The following TPPP2 variants were observed in gnomAD, a reference collection of about 807,000 sequenced individuals.
TPPP2 encodes the protein tubulin polymerization promoting protein family member 2, also known as tubulin polymerization-promoting protein family member 2.
A neutral mutation model predicts 13.0 loss-of-function variants in TPPP2; 8 were observed. The ratio of observed to expected loss-of-function variants is 0.62; its 90% CI spans 0.36 to 1.11. TPPP2 has a LOEUF of 1.11. TPPP2 is among the 50% of genes most tolerant of loss of function. TPPP2 has a pLI of 0.02. For missense variants in TPPP2, 213 were observed against 216.9 expected (o/e 0.98, Z 0.11); for synonymous variants, 81 against 81.8 (o/e 0.99, Z 0.05).
downstream of TPPP2, chr14:21,034,333 C>T: frequency 7.0e-7 from 1 of 1,422,730 alleles, no homozygotes; most frequent in East Asian, 2.3e-5. Context: ...AGCAGTGGGC[C>T]TGAAGTGGCT....
downstream of TPPP2, chr14:21,033,756 C>A: frequency 1.8e-6 from 2 of 1,105,772 alleles, no homozygotes; most frequent in Non-Finnish European, 2.8e-6. Flanking sequence ...TTACAGGGAT[C>A]AGAGTGTTGG....
upstream of TPPP2, among the ~76,000 whole-genome samples, chr14:21,026,760 T>C (rs1344951400): frequency 6.6e-6 from 1 of 151,958 alleles, no homozygotes; most frequent in African/African-American, 2.4e-5. Context: ...TATAACTTTT[T>C]CCCCAGAAAC....
downstream of TPPP2, chr14:21,033,632 A>T (rs924812142): frequency 1.6e-6 from 1 of 607,884 alleles, no homozygotes; most frequent in African/African-American, 1.8e-5. Flanking sequence ...AGCTGGAAAG[A>T]ACCTAGAAGA....
At chr14:21,031,505 A>C (rs1035149277) in intron 3 of TPPP2, among the ~76,000 whole-genome samples, 1 of 152,178 alleles carries the variant, frequency 6.6e-6, no homozygotes, top group Non-Finnish European at 1.5e-5. Context: ...GTTTAATCTC[A>C]GGCCTCCTGC....
chr14:21,031,178 C>T lies in TPPP2; in HGVS notation c.327+13C>T. ...CACTGGCGCTACTGTGAGTGACAGC[C>T]TTCATCCCCTTGACCCTACTTCCCT... On this transcript the variant is annotated intron_variant, in intron 3 of 3. Coordinates refer to ENST00000321760, the MANE Select transcript of TPPP2 (RefSeq NM_173846.5). 1 of 1,612,080 alleles carries T rather than the reference C, an allele frequency of 6.2e-7. No homozygotes were observed. The highest frequency in any genetic ancestry group is 8.5e-7 in the Non-Finnish European group (1 of 1,179,068).
At chr14:21,024,857 C>T (rs372405202) in intron 1 of TPPP2, 4 of 985,736 alleles carry the variant, frequency 4.1e-6, no homozygotes, top group East Asian at 1.1e-4. Context: ...ACCCCAAACA[C>T]GCCCTGCAGC....
At chr14:21,024,730 G>A (rs762844868) in intron 1 of TPPP2, 1 of 985,352 alleles carries the variant, frequency 1.0e-6, no homozygotes, top group Non-Finnish European at 1.2e-6. Flanking sequence ...GAGACCGGCC[G>A]GGCCCAGCAC....
chr14:21,025,609 G>A, upstream of TPPP2: 1 of 985,468 alleles, frequency 1.0e-6, no homozygotes, highest in Non-Finnish European at 1.2e-6. The surrounding 1 kb of genome is among the most constrained non-coding windows in gnomAD (Gnocchi z 5.1). Context: ...TGCTGGCGCC[G>A]AAAGGGGGCA....
chr14:21,027,176 G>A (rs1466068308), upstream of TPPP2, among the ~76,000 whole-genome samples: 4 of 152,168 alleles, frequency 2.6e-5, no homozygotes, highest in Non-Finnish European at 5.9e-5. Flanking sequence ...CCTGCTGCAG[G>A]CAGAAGTAAG....
At chr14:21,025,812 T>TGGGGGGGGG, upstream of TPPP2, 1 of 313,448 alleles carries the variant, frequency 3.2e-6, no homozygotes, top group Non-Finnish European at 3.7e-6. The surrounding 1 kb of genome is among the most constrained non-coding windows in gnomAD (Gnocchi z 5.1). Context: ...AGGCGGGGGG[T>TGGGGGGGGG]GGGGAGAGGA....
upstream of TPPP2, among the ~76,000 whole-genome samples, chr14:21,028,212 G>C (rs969999409): frequency 1.3e-5 from 2 of 151,872 alleles, no homozygotes; most frequent in African/African-American, 2.4e-5. Context: ...GAATAATCTG[G>C]TTCTTAGGTT....
In TPPP2 at chr14:21,031,945, C is replaced by G. The variant is rs139422155; in HGVS notation, c.381C>G (p.Thr127=). 1 of 1,614,066 alleles carries G rather than the reference C, an allele frequency of 6.2e-7. No homozygotes were observed. The highest frequency in any genetic ancestry group is 1.3e-5 in the African/African-American group (1 of 75,006). ...VDRLTDTSKY[T]GTHKERFDES... ...GTTTGACAGACACCAGCAAGTACAC[C>G]GGCACCCACAAGGAGCGCTTTGATG... Residue 127 remains threonine (T), a synonymous_variant, in exon 4 of 4, where the codon ACC becomes ACG. Transcript: ENST00000321760.
chr14:21,034,338 G>A, downstream of TPPP2: 2 of 1,385,870 alleles, frequency 1.4e-6, no homozygotes, highest in Non-Finnish European at 2.0e-6. Flanking sequence ...TGGGCCTGAA[G>A]TGGCTGTCTG....
chr14:21,031,995 C>T lies in TPPP2; in HGVS notation c.431C>T (p.Ala144Val), dbSNP rs979234395. The change falls in exon 4 of 4, where the codon GCG becomes GTG. Residue 144 changes from alanine to valine, a missense_variant. Transcript: ENST00000321760. ...FDESGKGKGIAGREEMTDNTG... is the reference protein window; with the variant it reads ...FDESGKGKGIVGREEMTDNTG... ...GAGAGTGGCAAGGGCAAGGGCATTGCGGGACGGGAAGAGATGACTGACAAC... is the reference window on the plus strand; with the variant it reads ...GAGAGTGGCAAGGGCAAGGGCATTGTGGGACGGGAAGAGATGACTGACAAC... The T allele has an allele frequency of 5.0e-6, 8 of 1,613,972 alleles. No homozygotes were observed. The highest frequency in any genetic ancestry group is 1.1e-5 in the South Asian group (1 of 91,084).
chr14:21,033,535 C>A, downstream of TPPP2: 1 of 470,886 alleles, frequency 2.1e-6, no homozygotes. Context: ...TCACTGCCAA[C>A]TGGACACAGT....
Position 21,032,410 on chromosome 14 carries a change from A to G in TPPP2, c.*333A>G, listed in dbSNP as rs1277187464. On this transcript the variant is annotated 3_prime_UTR_variant, in exon 4 of 4. Coordinates refer to ENST00000321760, the MANE Select transcript of TPPP2 (RefSeq NM_173846.5). ...AAGTATCTACTACTTGTGTTCACAC[A>G]TTACTGATATCCACCTCTCCACCCC... The G allele has an allele frequency of 4.5e-6, 2 of 445,026 alleles. No individual in the cohort carries two copies. Among genetic ancestry groups the G allele is most frequent in the Non-Finnish European group, 8.9e-6 (2 of 224,656 alleles). 27.6% of individuals were successfully genotyped at this position (445,026 alleles called of 1,614,324 possible). A position where few individuals can be genotyped will look rare whatever the true frequency, so the allele number is the denominator to read the frequency against.
chr14:21,025,763 A>G, upstream of TPPP2: 1 of 873,054 alleles, frequency 1.1e-6, no homozygotes, highest in Non-Finnish European at 1.4e-6. The surrounding 1 kb of genome is among the most constrained non-coding windows in gnomAD (Gnocchi z 5.1). Flanking sequence ...GGGGGCGGGG[A>G]ATGCGGGGGG....
chr14:21,033,797 G>T (rs1193916928), downstream of TPPP2: 5 of 1,450,074 alleles, frequency 3.4e-6, no homozygotes, highest in Non-Finnish European at 2.9e-6. Flanking sequence ...TGGTGGTAGA[G>T]GTTGGGGAGT....
Position 21,031,131 on chromosome 14 carries a change from T to C in TPPP2, c.293T>C (p.Met98Thr), listed in dbSNP as rs1884081736. The change falls in exon 3 of 4, where the codon ATG becomes ACG. Residue 98 changes from methionine to threonine, a missense_variant. Coordinates refer to ENST00000321760, the MANE Select transcript of TPPP2 (RefSeq NM_173846.5). ...DEVLENIYGLMEGKDPATTGA... is the reference protein window; with the variant it reads ...DEVLENIYGLTEGKDPATTGA... Reference sequence around the variant, plus strand: ...GTCCTGGAGAACATTTATGGACTCATGGAGGGCAAAGACCCAGCCACCACT... The same window carrying C: ...GTCCTGGAGAACATTTATGGACTCACGGAGGGCAAAGACCCAGCCACCACT... 2 of 1,613,970 alleles carry C rather than the reference T, an allele frequency of 1.2e-6. No homozygotes were observed. Among genetic ancestry groups the C allele is most frequent in the African/African-American group, 2.7e-5 (2 of 74,908 alleles).
Sources: allele counts gnomAD v4.1 joint callset (sites outside exome capture counted in the v4.1 genomes callset), GRCh38; gene constraint gnomAD v4.1.1; non-coding constraint Gnocchi (gnomAD v3.1); transcripts MANE v1.5; gene names NCBI Gene and HGNC (gene_info 2026-07-23, HGNC 2026-07-21).